CTNNA3: variants seen among roughly 807,000 people sequenced by gnomAD.
The protein encoded by CTNNA3 is catenin alpha-3.
A neutral mutation model predicts 95.7 loss-of-function variants in CTNNA3; 76 were observed. The observed-to-expected ratio is 0.79, with a 90% CI of 0.66 to 0.96. CTNNA3 has a LOEUF of 0.96. Ranked by LOEUF, CTNNA3 falls within the 40% of genes least tolerant of loss-of-function variation. CTNNA3 has a pLI of 0.00. For missense variants in CTNNA3, 1,191 were observed against 1,089.8 expected (o/e 1.09, Z -1.31); for synonymous variants, 431 against 374.4 (o/e 1.15, Z -1.74).
chr10:66,536,662 T>C (rs1435566825), intron 10 of CTNNA3, among the ~76,000 whole-genome samples: 3 of 152,086 alleles, frequency 2.0e-5, no homozygotes, highest in East Asian at 1.9e-4. Context: ...TTGGTACTTA[T>C]GCAGATACTA....
chr10:67,225,840 T>C (rs978276992), intron 5 of CTNNA3, among the ~76,000 whole-genome samples: 9 of 152,064 alleles, frequency 5.9e-5, no homozygotes, highest in African/African-American at 1.9e-4. Context: ...AAAAGCACAC[T>C]ACCTCACCAG....
chr10:66,991,525 T>C (rs1309051555), intron 7 of CTNNA3, among the ~76,000 whole-genome samples: 1 of 152,166 alleles, frequency 6.6e-6, no homozygotes, highest in African/African-American at 2.4e-5. Context: ...ATAAAACATT[T>C]TGTAGACTCA....
chr10:67,689,624 G>A (rs1211499210), intron 1 of CTNNA3, among the ~76,000 whole-genome samples: 3 of 152,088 alleles, frequency 2.0e-5, no homozygotes, highest in African/African-American at 7.2e-5. Flanking sequence ...TTCCACTCAT[G>A]GCCGCAGGGT....
In CTNNA3 at chr10:66,944,820, T is replaced by C. The variant is rs1450391103; in HGVS notation, c.1048-169296A>G. On this transcript the variant is annotated intron_variant, in intron 7 of 17. Transcript: ENST00000433211. Reference sequence around the variant, plus strand: ...GGCATGAAAACAACATTAATCTCCATGTATATGTCCATCAGAGCTCTTGGG... The same window carrying C: ...GGCATGAAAACAACATTAATCTCCACGTATATGTCCATCAGAGCTCTTGGG... Among the ~76,000 whole-genome samples the C allele has an allele frequency of 6.6e-5, 10 of 152,326 alleles. No homozygotes were observed. The South Asian group carries it at 1.7e-3, about 25-fold the overall frequency.
intron 7 of CTNNA3, among the ~76,000 whole-genome samples, chr10:67,005,680 A>ATTTTTTTTTTTTTTT (rs1564825972): frequency 6.5e-4 from 17 of 26,348 alleles, no homozygotes; most frequent in South Asian, 4.3e-3. Flanking sequence ...ATTTTACTCC[A>ATTTTTTTTTTTTTTT]TCTTTTTTTT....
At chr10:67,423,567 A>T (rs888167903) in intron 5 of CTNNA3, among the ~76,000 whole-genome samples, 1 of 152,142 alleles carries the variant, frequency 6.6e-6, no homozygotes, top group African/African-American at 2.4e-5. Flanking sequence ...TAGACACTAA[A>T]CACTTTTCAG....
intron 7 of CTNNA3, among the ~76,000 whole-genome samples, chr10:66,879,865 A>G (rs906204543): frequency 6.6e-6 from 1 of 152,074 alleles, no homozygotes; most frequent in Non-Finnish European, 1.5e-5. Flanking sequence ...TTGGAGATAG[A>G]TGCATAGGGA....
At chr10:66,376,447 G>C (rs1330127953) in intron 12 of CTNNA3, among the ~76,000 whole-genome samples, 1 of 152,054 alleles carries the variant, frequency 6.6e-6, no homozygotes, top group Non-Finnish European at 1.5e-5. Flanking sequence ...ATAAATTCCT[G>C]AGATATAATA....
intron 1 of CTNNA3, among the ~76,000 whole-genome samples, chr10:67,652,561 G>GTC (rs201513249): frequency 2.0e-5 from 3 of 151,732 alleles, no homozygotes; most frequent in East Asian, 1.9e-4. Context: ...GTGAAACCAA[G>GTC]TCTCTCTCTC....
At chr10:66,880,856 C>T (rs1476713279) in intron 7 of CTNNA3, among the ~76,000 whole-genome samples, 1 of 152,092 alleles carries the variant, frequency 6.6e-6, no homozygotes, top group African/African-American at 2.4e-5. Flanking sequence ...ACACGTAACC[C>T]TGAAGTTACA....
At chr10:66,284,210 T>C (rs2091544884) in intron 12 of CTNNA3, among the ~76,000 whole-genome samples, 1 of 151,920 alleles carries the variant, frequency 6.6e-6, no homozygotes, top group South Asian at 2.1e-4. Flanking sequence ...GCCTACTTTA[T>C]TCAGAATAGA....
At chr10:67,327,147 T>C (rs1260888485) in intron 5 of CTNNA3, among the ~76,000 whole-genome samples, 1 of 152,220 alleles carries the variant, frequency 6.6e-6, no homozygotes, top group Non-Finnish European at 1.5e-5. Context: ...GATTTTTAGC[T>C]TCCTTGGATT....
At chr10:66,707,621 T>A (rs1446408329) in intron 9 of CTNNA3, among the ~76,000 whole-genome samples, 1 of 152,074 alleles carries the variant, frequency 6.6e-6, no homozygotes, top group Non-Finnish European at 1.5e-5. Flanking sequence ...ATCCTTGGAC[T>A]AGAGATTTAA....
At chr10:67,240,692 A>C (rs528317279) in intron 5 of CTNNA3, among the ~76,000 whole-genome samples, 12 of 152,304 alleles carry the variant, frequency 7.9e-5, no homozygotes, top group South Asian at 4.1e-4. Flanking sequence ...ATATCTCCCA[A>C]GGTGTGCATT....
chr10:67,237,190 A>G (rs559622994), intron 5 of CTNNA3, among the ~76,000 whole-genome samples: 58 of 136,824 alleles, frequency 4.2e-4, no homozygotes, highest in Non-Finnish European at 7.9e-4. Context: ...ACAATGGAAT[A>G]CTACTCAGTC....
At chr10:67,671,906 G>C (rs182014970) in intron 1 of CTNNA3, among the ~76,000 whole-genome samples, 9,170 of 151,310 alleles carry the variant, frequency 0.061, 280 homozygotes, top group South Asian at 0.098. Context: ...AATGGTATTT[G>C]TAGTTCTAGA....
chr10:67,558,142 G>C (rs2133247875), intron 3 of CTNNA3, among the ~76,000 whole-genome samples: 2 of 152,260 alleles, frequency 1.3e-5, no homozygotes, highest in South Asian at 4.1e-4. Flanking sequence ...AAGTCTCACA[G>C]GTATGCATCT....
chr10:67,053,720 TG>T (rs2133195251), intron 7 of CTNNA3, among the ~76,000 whole-genome samples: 1 of 152,248 alleles, frequency 6.6e-6, no homozygotes, highest in East Asian at 1.9e-4. Context: ...AAAAAATAAA[TG>T]GTGGTAAGCA....
At position 67,685,753 on chromosome 10, in the gene CTNNA3, TTCTA is replaced by T. The variant is rs200986180; in HGVS notation, c.-6+10243_-6+10246del. On this transcript the variant is annotated intron_variant, in intron 1 of 17. Transcript: ENST00000433211. The stretch of plus-strand genomic sequence containing the variant: ...GGGTACACTGTTTTTTCTTTACTAC[TTCTA>T]TCTCTCTCTTTCTCCCTCTTTGATT... 3.2e-3 allele frequency among the ~76,000 whole-genome samples: 485 copies of T among 152,300 alleles called. 8 individuals are homozygous for T. The East Asian group carries it at 0.055, about 17-fold the overall frequency.
Sources: gnomAD v4.1 joint callset for allele counts (sites outside exome capture counted in the v4.1 genomes callset) on GRCh38, gnomAD v4.1.1 for gene constraint, MANE v1.5 for transcripts, NCBI Gene and HGNC (gene_info 2026-07-23, HGNC 2026-07-21) for gene names.